PDE4D: variants seen among roughly 807,000 people sequenced by gnomAD.
The protein encoded by PDE4D is 3',5'-cyclic-AMP phosphodiesterase 4D.
PDE4D carries 24 observed loss-of-function variants against 87.4 expected under a neutral mutation model. The ratio of observed to expected loss-of-function variants is 0.27; its 90% CI spans 0.20 to 0.39. The LOEUF (loss-of-function observed/expected upper bound fraction) is 0.39. Ranked by LOEUF, PDE4D falls within the 10% of genes least tolerant of loss-of-function variation. The pLI is 1.00. For synonymous variants in PDE4D, 384 were observed against 383.2 expected (o/e 1.00, Z -0.02); for missense variants, 714 against 1,041.0 (o/e 0.69, Z 4.32).
chr5:59,057,411 G>A (rs1762525867), intron 5 of PDE4D, among the ~76,000 whole-genome samples: 1 of 152,178 alleles, frequency 6.6e-6, no homozygotes, highest in Non-Finnish European at 1.5e-5. Context: ...CTATATCACA[G>A]TATGATTCTG....
chr5:59,195,630 G>T (rs768878230), intron 2 of PDE4D, among the ~76,000 whole-genome samples: 2 of 152,170 alleles, frequency 1.3e-5, no homozygotes, highest in Non-Finnish European at 2.9e-5. Context: ...CACATACTAG[G>T]TGTGTGAAAT....
At chr5:60,317,353 T>C (rs1755723330) in intron 1 of PDE4D, among the ~76,000 whole-genome samples, 1 of 152,336 alleles carries the variant, frequency 6.6e-6, no homozygotes, top group South Asian at 2.1e-4. Flanking sequence ...TTATTTTTTA[T>C]TGCATCTATT....
At chr5:60,161,155 C>G (rs1301476206) in intron 2 of PDE4D, among the ~76,000 whole-genome samples, 2 of 152,132 alleles carry the variant, frequency 1.3e-5, no homozygotes, top group Non-Finnish European at 2.9e-5. Flanking sequence ...CAATAACTCT[C>G]ATGGCTCCTT....
intron 1 of PDE4D, among the ~76,000 whole-genome samples, chr5:60,457,677 T>A (rs1746579912): frequency 6.6e-6 from 1 of 152,218 alleles, no homozygotes; most frequent in Admixed American, 6.5e-5. Flanking sequence ...CCTAGAATCC[T>A]AGACTCAGAG....
chr5:59,466,273 A>G (rs1003912149), intron 1 of PDE4D, among the ~76,000 whole-genome samples: 1 of 152,224 alleles, frequency 6.6e-6, no homozygotes. Flanking sequence ...AATTTCTTAA[A>G]CCAAAATTTG....
intron 1 of PDE4D, among the ~76,000 whole-genome samples, chr5:59,408,305 T>C (rs1792056366): frequency 6.6e-6 from 1 of 152,226 alleles, no homozygotes; most frequent in South Asian, 2.1e-4. Flanking sequence ...ATGTAAGCTG[T>C]AAGCCTTTGT....
intron 1 of PDE4D, among the ~76,000 whole-genome samples, chr5:59,748,935 A>G (rs34032696): frequency 0.13 from 19,401 of 152,228 alleles, 1,350 homozygotes; most frequent in Middle Eastern, 0.21. Flanking sequence ...CTGATCTTCC[A>G]GTCCCAGATA....
intron 5 of PDE4D, among the ~76,000 whole-genome samples, chr5:59,146,621 G>A (rs1778698188): frequency 6.6e-6 from 1 of 151,712 alleles, no homozygotes; most frequent in East Asian, 1.9e-4. Flanking sequence ...ATTCTTGAAA[G>A]ATACTTTTAT....
intron 1 of PDE4D, among the ~76,000 whole-genome samples, chr5:59,616,262 T>A (rs896000030): frequency 4.6e-5 from 7 of 152,194 alleles, no homozygotes; most frequent in African/African-American, 1.7e-4. Context: ...TTTAAAACAA[T>A]ATTTTTTATT....
In PDE4D at chr5:60,136,715, A is replaced by G. The variant is rs13160694; in HGVS notation, c.42+48842T>C. 4.5e-3 allele frequency among the ~76,000 whole-genome samples: 690 copies of G among 152,282 alleles called. 9 individuals are homozygous for G. The highest frequency in any genetic ancestry group is 5.6e-3 in the Non-Finnish European group (382 of 68,022). On this transcript the variant is annotated intron_variant, in intron 2 of 16. Coordinates refer to the PDE4D transcript ENST00000502484. ...ATTCTTTTCTTATTCCTTGCTAAACAAAAACACCTATGTTATTGGGGCTGG... is the reference window on the plus strand; with the variant it reads ...ATTCTTTTCTTATTCCTTGCTAAACGAAAACACCTATGTTATTGGGGCTGG...
chr5:59,152,191 T>C (rs182508542), intron 5 of PDE4D, among the ~76,000 whole-genome samples: 69 of 152,322 alleles, frequency 4.5e-4, no homozygotes, highest in African/African-American at 1.5e-3. Context: ...TAATTTTACC[T>C]ACCTTATGTG....
Position 59,321,844 on chromosome 5 carries a change from A to G in PDE4D, c.456-105876T>C, listed in dbSNP as rs181005414. On this transcript the variant is annotated intron_variant, in intron 1 of 14. Transcript: ENST00000340635. ...CCGGTCCCTCTTAAAAGATAATCTA[A>G]AAATAGAGTACACGCATGCGCACTT... 9.8e-4 allele frequency among the ~76,000 whole-genome samples: 149 copies of G among 152,226 alleles called. 3 individuals carry two copies. The highest frequency in any genetic ancestry group is 1.0e-4 in the Non-Finnish European group (7 of 68,000).
At chr5:59,308,225 G>T (rs1771820272) in intron 1 of PDE4D, among the ~76,000 whole-genome samples, 2 of 147,314 alleles carry the variant, frequency 1.4e-5, no homozygotes, top group Admixed American at 6.9e-5. Context: ...GTGGGGGGAA[G>T]GGGGAGGGAT....
intron 1 of PDE4D, among the ~76,000 whole-genome samples, chr5:59,537,797 T>C (rs1458505573): frequency 6.6e-6 from 1 of 152,220 alleles, no homozygotes; most frequent in East Asian, 1.9e-4. Context: ...ATAATAACAC[T>C]ATAACATTAA....
At chr5:59,146,569 ATT>A (rs35653778) in intron 5 of PDE4D, among the ~76,000 whole-genome samples, 104 of 147,306 alleles carry the variant, frequency 7.1e-4, no homozygotes, top group African/African-American at 2.4e-3. Context: ...AAGTGGTCTG[ATT>A]TTTTTTTTTT....
intron 3 of PDE4D, among the ~76,000 whole-genome samples, chr5:59,938,603 T>A (rs1756864455): frequency 6.6e-6 from 1 of 152,114 alleles, no homozygotes; most frequent in Non-Finnish European, 1.5e-5. Context: ...ACTCTAATCA[T>A]CTCCTCTGGT....
chr5:60,027,754 C>A (rs1766792935), intron 2 of PDE4D, among the ~76,000 whole-genome samples: 1 of 152,182 alleles, frequency 6.6e-6, no homozygotes, highest in Non-Finnish European at 1.5e-5. Context: ...ACAGCAAAAC[C>A]TTGTCCATTA....
chr5:59,958,492 C>T (rs1240850033), intron 3 of PDE4D, among the ~76,000 whole-genome samples: 1 of 152,092 alleles, frequency 6.6e-6, no homozygotes, highest in Non-Finnish European at 1.5e-5. Context: ...GCTACATACA[C>T]AGTATTAAGA....
intron 1 of PDE4D, among the ~76,000 whole-genome samples, chr5:59,265,437 A>T (rs1762701057): frequency 1.3e-5 from 2 of 152,014 alleles, no homozygotes; most frequent in African/African-American, 4.8e-5. Context: ...ATAAATGCTT[A>T]ATTCTGACTG....
Sources: gnomAD v4.1 joint callset for allele counts (sites outside exome capture counted in the v4.1 genomes callset) on GRCh38, gnomAD v4.1.1 for gene constraint, MANE v1.5 for transcripts, NCBI Gene and HGNC (gene_info 2026-07-23, HGNC 2026-07-21) for gene names.